HIRA: variants seen among roughly 807,000 people sequenced by gnomAD.
HIRA encodes histone cell cycle regulator, also known as protein HIRA.
HIRA carries 13 observed loss-of-function variants against 126.6 expected under a neutral mutation model. The ratio of observed to expected loss-of-function variants is 0.10; its 90% CI spans 0.07 to 0.16. HIRA has a LOEUF of 0.16. HIRA is among the 10% of genes least tolerant of loss of function. The probability of loss-of-function intolerance (pLI) is 1.00; values close to 1 mark genes in which losing one functional copy is unlikely to be tolerated. For missense variants in HIRA, 834 were observed against 1,314.4 expected, an observed-to-expected ratio of 0.63 and a Z score of 5.65; for synonymous variants, 511 against 520.0, an observed-to-expected ratio of 0.98 and a Z score of 0.24.
At chr22:19,418,642 A>G (rs2089419117) in intron 1 of HIRA, among the ~76,000 whole-genome samples, 2 of 152,122 alleles carry the variant, frequency 1.3e-5, no homozygotes, top group Non-Finnish European at 2.9e-5. Flanking sequence ...AAATAAAAAT[A>G]AAAAATATAT....
rs114318898 is a variant in HIRA at position 19,418,202 on chromosome 22, A to T, written c.38-7424T>A. Among the ~76,000 whole-genome samples, 1,392 of 152,338 alleles carry T rather than the reference A, an allele frequency of 9.1e-3. 20 individuals carry two copies. Among genetic ancestry groups the T allele is most frequent in the African/African-American group, 0.031 (1,273 of 41,560 alleles). On this transcript the variant is annotated intron_variant, in intron 1 of 24. Transcript: ENST00000263208. ...ACAGTACTGAATTACATACTTAAAA[A>T]TGATTAAGATAGTAAATTTTATATT...
chr22:19,399,362 T>G (rs1332460692), intron 5 of HIRA, among the ~76,000 whole-genome samples: 1 of 152,194 alleles, frequency 6.6e-6, no homozygotes, highest in Non-Finnish European at 1.5e-5. Flanking sequence ...GGTTTTTTTT[T>G]TTTTTTCAAA....
intron 4 of HIRA, among the ~76,000 whole-genome samples, chr22:19,406,942 C>A (rs567672659): frequency 6.6e-6 from 1 of 152,318 alleles, no homozygotes; most frequent in African/African-American, 2.4e-5. Flanking sequence ...CCCACATCGG[C>A]ACTAGAAGAG....
At chr22:19,395,852 T>C (rs967511414) in intron 7 of HIRA, among the ~76,000 whole-genome samples, 6 of 152,210 alleles carry the variant, frequency 3.9e-5, no homozygotes, top group African/African-American at 9.6e-5. Context: ...TTCTATACAG[T>C]AGACACTTAA....
Position 19,385,600 on chromosome 22 carries a change from C to T in HIRA, c.1250G>A (p.Ser417Asn), listed in dbSNP as rs1308093680. ...TGAGCCCATCTCCCTGGTCGCAGCA[C>T]TCTTCTGGTCCAGCTGCTGCTGCTG... ...RQQQQQLDQK[S>N]AATREMGSAT... Residue 417 changes from serine (S) to asparagine (N), a missense_variant, in exon 12 of 25, where the codon AGT becomes AAT. By Grantham distance (46) the Ser-to-Asn change is conservative. This residue lies in a region of HIRA where 153 missense variants were observed against 270.6 expected (regional missense o/e 0.57). Transcript: ENST00000263208. The T allele has an allele frequency of 1.2e-6, 2 of 1,614,214 alleles. No homozygotes were observed. Among genetic ancestry groups the T allele is most frequent in the Non-Finnish European group, 1.7e-6 (2 of 1,180,050 alleles).
At chr22:19,334,151 AT>A (rs1262481627) in intron 24 of HIRA, among the ~76,000 whole-genome samples, 2 of 150,688 alleles carry the variant, frequency 1.3e-5, no homozygotes, top group African/African-American at 4.9e-5. Context: ...ATTTTTTTGT[AT>A]TTTTAGTAGA....
intron 9 of HIRA, among the ~76,000 whole-genome samples, chr22:19,390,554 GCAC>G (rs1335019983): frequency 7.9e-6 from 1 of 125,956 alleles, no homozygotes; most frequent in African/African-American, 3.1e-5. Context: ...AGCCAAGATT[GCAC>G]CACTGCACTC....
chr22:19,333,096 C>T lies in HIRA; in HGVS notation c.2938-1540G>A, dbSNP rs28386865. On this transcript the variant is annotated intron_variant, in intron 24 of 24. Transcript: ENST00000263208. ...GCTAATTTTTATATATTTAGTAGAG[C>T]GGGGTTTCACCTTGTTGGCCAGGCT... Among the ~76,000 whole-genome samples, 1,118 of 152,014 alleles carry T rather than the reference C, an allele frequency of 7.4e-3. 12 individuals carry two copies. Among genetic ancestry groups the T allele is most frequent in the African/African-American group, 0.025 (1,046 of 41,424 alleles).
chr22:19,389,043 T>C (rs953984744), intron 9 of HIRA, among the ~76,000 whole-genome samples: 3 of 152,182 alleles, frequency 2.0e-5, no homozygotes, highest in African/African-American at 7.2e-5. Context: ...TATGTGTAGG[T>C]AGTACAGAAA....
intron 5 of HIRA, among the ~76,000 whole-genome samples, chr22:19,399,459 T>A (rs1012171950): frequency 1.3e-5 from 2 of 152,132 alleles, no homozygotes; most frequent in African/African-American, 4.8e-5. Context: ...CTGCATTCTA[T>A]GTGGTTGAGA....
At chr22:19,363,830 G>A (rs1189301721) in intron 15 of HIRA, among the ~76,000 whole-genome samples, 3 of 152,146 alleles carry the variant, frequency 2.0e-5, no homozygotes, top group Non-Finnish European at 2.9e-5. Flanking sequence ...CCTGGGAGGC[G>A]GAGGTTGCAG....
intron 8 of HIRA, 96 bp downstream of exon 8, chr22:19,394,246 C>T (rs1181897629): frequency 1.4e-6 from 2 of 1,398,206 alleles, no homozygotes; most frequent in South Asian, 1.4e-5. Context: ...GTAAAATTAG[C>T]TTTTAAATAT....
At chr22:19,398,190 T>A (rs1344350508) in intron 5 of HIRA, 103 bp from the exon 6 acceptor site, 4 of 777,078 alleles carry the variant, frequency 5.1e-6, no homozygotes, top group Non-Finnish European at 6.3e-6. Flanking sequence ...ATAACCACTC[T>A]GGTATTTTTT....
chr22:19,361,605 G>A (rs571814159), intron 16 of HIRA, 122 bp downstream of exon 16: 13 of 980,040 alleles, frequency 1.3e-5, no homozygotes, highest in African/African-American at 1.3e-4. Context: ...GGGGCTGCAT[G>A]TCTAAGCCAG....
intron 3 of HIRA, 90 bp downstream of exon 3, chr22:19,408,393 C>T (rs1017104348): frequency 3.9e-5 from 32 of 818,460 alleles, no homozygotes; most frequent in Non-Finnish European, 4.9e-5. Flanking sequence ...TACCGCCGCA[C>T]GGGGCCTTAT....
chr22:19,390,600 T>TAAAAAAAAAAAA (rs2089169694), intron 9 of HIRA, among the ~76,000 whole-genome samples: 2 of 4,266 alleles, frequency 4.7e-4, no homozygotes. Flanking sequence ...AGACTCTGTC[T>TAAAAAAAAAAAA]CAAAAAAAAA....
At chr22:19,335,605 TG>T (rs2088558678) in intron 24 of HIRA, among the ~76,000 whole-genome samples, 1 of 152,328 alleles carries the variant, frequency 6.6e-6, no homozygotes, top group Non-Finnish European at 1.5e-5. Context: ...CTTAACCCTT[TG>T]GAGGTATATT....
At chr22:19,337,318 C>A (rs1182940997) in intron 24 of HIRA, among the ~76,000 whole-genome samples, 2 of 151,506 alleles carry the variant, frequency 1.3e-5, no homozygotes, top group Non-Finnish European at 2.9e-5. Flanking sequence ...ATCAAAAAAT[C>A]AAAAATCAAA....
In HIRA at chr22:19,418,733, T is replaced by C. The variant is rs1467863525; in HGVS notation, c.38-7955A>G. Among the ~76,000 whole-genome samples, 7 of 152,284 alleles carry C rather than the reference T, an allele frequency of 4.6e-5. No homozygotes were observed. In the South Asian group the frequency reaches 1.5e-3, roughly 32 times the overall value. ...CACAGGTGACAAAATTGTATAGAAC[T>C]AAACATACACACGCACAAATAAGTA... On this transcript the variant is annotated intron_variant, in intron 1 of 24. Coordinates refer to ENST00000263208, the MANE Select transcript of HIRA (RefSeq NM_003325.4).
Sources: allele counts gnomAD v4.1 joint callset (sites outside exome capture counted in the v4.1 genomes callset), GRCh38; gene constraint gnomAD v4.1.1; regional missense constraint gnomAD v4.1.1; transcripts MANE v1.5; gene names NCBI Gene and HGNC (gene_info 2026-07-23, HGNC 2026-07-21).